PDE12: variants seen among roughly 807,000 people sequenced by gnomAD.
PDE12 encodes phosphodiesterase 12.
Under a neutral mutation model 45.4 loss-of-function variants are expected in PDE12, and 26 were observed. The ratio of observed to expected loss-of-function variants is 0.57; its 90% CI spans 0.42 to 0.79. The LOEUF (loss-of-function observed/expected upper bound fraction) is 0.79, where lower values mean the gene tolerates loss of function less well. Ranked by LOEUF, PDE12 falls within the 30% of genes least tolerant of loss-of-function variation. The pLI is 0.00. For synonymous variants in PDE12, 283 were observed against 323.9 expected, an observed-to-expected ratio of 0.87 and a Z score of 1.36; for missense variants, 668 against 790.0, an observed-to-expected ratio of 0.85 and a Z score of 1.85.
At position 57,565,976 on chromosome 3, in the gene PDE12, G is replaced by A. The variant is rs1026643526; in HGVS notation, c.*5972G>A. 6.6e-6 allele frequency: 1 copy of A among 152,064 alleles called. No homozygotes were observed. Among genetic ancestry groups the A allele is most frequent in the Non-Finnish European group, 1.5e-5 (1 of 68,018 alleles). 9.4% of individuals were successfully genotyped at this position (152,064 alleles called of 1,614,324 possible). On this transcript the variant is annotated 3_prime_UTR_variant, in exon 3 of 3. Coordinates refer to ENST00000311180, the MANE Select transcript of PDE12 (RefSeq NM_177966.7). ...GTTTTGGGTATCTTAAACCAAGAAA[G>A]GGTATTTCTATCCCAGCTGTAGAGT...
the PDE12 span, among the ~76,000 whole-genome samples, chr3:57,572,888 A>G: frequency 6.6e-6 from 1 of 151,980 alleles, no homozygotes; most frequent in Admixed American, 6.6e-5. Flanking sequence ...TCAAAGTAGA[A>G]GAGGCAAATT....
the PDE12 span, among the ~76,000 whole-genome samples, chr3:57,621,699 G>A: frequency 3.3e-5 from 5 of 151,676 alleles, no homozygotes. Context: ...GAAAACATAG[G>A]TCTTTGTGAC....
chr3:57,580,806 T>A, the PDE12 span, among the ~76,000 whole-genome samples: 4 of 149,122 alleles, frequency 2.7e-5, no homozygotes, highest in African/African-American at 9.9e-5. Context: ...AAAGACAGGG[T>A]CTCACTATGT....
chr3:57,559,737 G>T lies in PDE12; in HGVS notation c.1563G>T (p.Trp521Cys). 3.1e-6 allele frequency: 5 copies of T among 1,614,126 alleles called. No homozygotes were observed. The highest frequency in any genetic ancestry group is 4.2e-6 in the Non-Finnish European group (5 of 1,180,028). Residue 521 changes from tryptophan to cysteine, a missense_variant, in exon 3 of 3, where the codon TGG becomes TGT. This residue lies in a region of PDE12 where 9 missense variants were observed against 29.2 expected (regional missense o/e 0.31). Coordinates refer to ENST00000311180, the MANE Select transcript of PDE12 (RefSeq NM_177966.7). ...GCATTCCAGAGGATCATGAAGACTGGGCTTCCAATGGGGAGGAGGAAAGAT... is the reference window on the plus strand; with the variant it reads ...GCATTCCAGAGGATCATGAAGACTGTGCTTCCAATGGGGAGGAGGAAAGAT... ...NGSIPEDHED[W>C]ASNGEEERCN...
chr3:57,559,037 G>A (rs577917578), intron 1 of PDE12, among the ~76,000 whole-genome samples: 3 of 151,550 alleles, frequency 2.0e-5, no homozygotes, highest in South Asian at 2.1e-4. Flanking sequence ...TGGCTAACAC[G>A]ATGAAACCCC....
chr3:57,556,725 G>A lies in PDE12; in HGVS notation c.346G>A (p.Ala116Thr), dbSNP rs980087568. 2 of 1,595,558 alleles carry A rather than the reference G, an allele frequency of 1.3e-6. No homozygotes were observed. Among genetic ancestry groups the A allele is most frequent in the African/African-American group, 1.3e-5 (1 of 74,706 alleles). ...AACSGPGPEPAVFCEPVVKLY... is the reference protein window; with the variant it reads ...AACSGPGPEPTVFCEPVVKLY... The stretch of plus-strand genomic sequence containing the variant: ...CTGTTCAGGGCCGGGGCCTGAGCCG[G>A]CTGTGTTCTGCGAGCCCGTGGTGAA... The change falls in exon 1 of 3, where the codon GCT becomes ACT. Residue 116 changes from alanine to threonine, a missense_variant. Physicochemically the swap from Ala to Thr is moderately conservative, Grantham distance 58 (BLOSUM62 0). This residue lies in a region of PDE12 where 580 missense variants were observed against 662.9 expected (regional missense o/e 0.87). Transcript: ENST00000311180. This position sits in a 1 kb window ranked among gnomAD's most constrained non-coding sequence, Gnocchi z 5.0.
rs568586049 is a variant in PDE12 at position 57,564,314 on chromosome 3, G to A, written c.*4310G>A. The A allele has an allele frequency of 6.6e-6, 1 of 152,222 alleles. No homozygotes were observed. The highest frequency in any genetic ancestry group is 1.9e-4 in the East Asian group (1 of 5,182). 9.4% of individuals were successfully genotyped at this position (152,222 alleles called of 1,614,324 possible). On this transcript the variant is annotated 3_prime_UTR_variant, in exon 3 of 3. Transcript: ENST00000311180. ...TATCTGCTATGCTAGCAAATTCTGGGTTGTCAAAAATCCATGTTCATACTG... is the reference window on the plus strand; with the variant it reads ...TATCTGCTATGCTAGCAAATTCTGGATTGTCAAAAATCCATGTTCATACTG...
chr3:57,641,722 T>G, the PDE12 span: 1 of 1,613,418 alleles, frequency 6.2e-7, no homozygotes, highest in Non-Finnish European at 8.5e-7. Context: ...AAAAAAGGGT[T>G]GGTTACTCCT....
the PDE12 span, chr3:57,646,245 A>G: frequency 6.5e-7 from 1 of 1,540,782 alleles, no homozygotes; most frequent in Non-Finnish European, 8.7e-7. Context: ...AAGTGCTGCA[A>G]ATATCACCAA....
At chr3:57,611,526 C>G in the PDE12 span, among the ~76,000 whole-genome samples, 1 of 152,010 alleles carries the variant, frequency 6.6e-6, no homozygotes, top group Non-Finnish European at 1.5e-5. Flanking sequence ...AGAACTTAAA[C>G]AAACTTAACA....
In PDE12 at chr3:57,563,596, T is replaced by C. The variant is rs2069750181; in HGVS notation, c.*3592T>C. 6.6e-6 allele frequency: 1 copy of C among 152,190 alleles called. No homozygotes were observed. The highest frequency in any genetic ancestry group is 2.4e-5 in the African/African-American group (1 of 41,444). The allele number at this position is 152,190 out of a possible 1,614,324, so 9.4% of individuals were successfully genotyped here. Reference sequence around the variant, plus strand: ...TTAATATAGTACAGGAAGGCAACACTATCTAGAGGGCCAGGCATAGTGGCT... The same window carrying C: ...TTAATATAGTACAGGAAGGCAACACCATCTAGAGGGCCAGGCATAGTGGCT... On this transcript the variant is annotated 3_prime_UTR_variant, in exon 3 of 3. Transcript: ENST00000311180.
chr3:57,606,438 A>T, the PDE12 span, among the ~76,000 whole-genome samples: 8 of 152,196 alleles, frequency 5.3e-5, no homozygotes, highest in Non-Finnish European at 7.3e-5. Context: ...GCAAAAGTTG[A>T]AAGAATTCCT....
the PDE12 span, among the ~76,000 whole-genome samples, chr3:57,592,797 A>G: frequency 9.2e-5 from 14 of 152,164 alleles, no homozygotes; most frequent in Non-Finnish European, 2.1e-4. Flanking sequence ...GCTGGCAGTT[A>G]TATGTTCAAC....
chr3:57,619,006 A>G, the PDE12 span, among the ~76,000 whole-genome samples: 5 of 152,336 alleles, frequency 3.3e-5, no homozygotes, highest in Admixed American at 2.0e-4. Context: ...TACATTTAAC[A>G]AATTAAATAC....
the PDE12 span, among the ~76,000 whole-genome samples, chr3:57,653,370 A>T: frequency 4.6e-5 from 7 of 152,230 alleles, no homozygotes; most frequent in East Asian, 1.3e-3. Flanking sequence ...TATTATACTG[A>T]TAATATGTTA....
At chr3:57,647,607 A>G in the PDE12 span, among the ~76,000 whole-genome samples, 3 of 152,142 alleles carry the variant, frequency 2.0e-5, no homozygotes, top group Non-Finnish European at 4.4e-5. Flanking sequence ...CAAAGACAGA[A>G]TGAGTTGAGG....
At chr3:57,594,367 C>T in the PDE12 span, among the ~76,000 whole-genome samples, 1 of 152,162 alleles carries the variant, frequency 6.6e-6, no homozygotes, top group Non-Finnish European at 1.5e-5. Flanking sequence ...GGATAATAGG[C>T]GTGAGCCACC....
At chr3:57,606,806 C>T in the PDE12 span, among the ~76,000 whole-genome samples, 1 of 152,012 alleles carries the variant, frequency 6.6e-6, no homozygotes, top group African/African-American at 2.4e-5. Context: ...CCAAGATGGC[C>T]GAATAGGAAC....
At chr3:57,600,603 C>A in the PDE12 span, 2 of 151,854 alleles carry the variant, frequency 1.3e-5, no homozygotes, top group African/African-American at 4.8e-5. Flanking sequence ...TTTGTAGAGA[C>A]CAGCATGTTG....
Sources: allele counts gnomAD v4.1 joint callset (sites outside exome capture counted in the v4.1 genomes callset), GRCh38; gene constraint gnomAD v4.1.1; regional missense constraint gnomAD v4.1.1; non-coding constraint Gnocchi (gnomAD v3.1); transcripts MANE v1.5; gene names NCBI Gene and HGNC (gene_info 2026-07-23, HGNC 2026-07-21).